The following GALNT8 variants were observed in gnomAD, a reference collection of about 807,000 sequenced individuals.
GALNT8 encodes the protein probable polypeptide N-acetylgalactosaminyltransferase 8.
A neutral mutation model predicts 62.7 loss-of-function variants in GALNT8; 66 were observed. That is an observed-to-expected ratio of 1.05 (90% CI 0.86 to 1.29). The LOEUF is 1.29. Among genes scored for constraint, GALNT8 ranks in the 50% most tolerant of loss-of-function variants. The probability of loss-of-function intolerance (pLI) is 0.00; values close to 1 mark genes in which losing one functional copy is unlikely to be tolerated. For missense variants in GALNT8, 771 were observed against 791.8 expected, an observed-to-expected ratio of 0.97 and a Z score of 0.32; for synonymous variants, 288 against 294.3, an observed-to-expected ratio of 0.98 and a Z score of 0.22.
At chr12:4,757,978 G>T (rs574134886) in intron 6 of GALNT8, among the ~76,000 whole-genome samples, 81 of 152,232 alleles carry the variant, frequency 5.3e-4, no homozygotes, top group African/African-American at 1.7e-3. Context: ...AGTTCCTGAT[G>T]CTTTGTTCTC....
At chr12:4,746,112 G>A in intron 5 of GALNT8, 32 bp from the exon 6 acceptor site, 1 of 1,261,820 alleles carries the variant, frequency 7.9e-7, no homozygotes, top group Non-Finnish European at 1.2e-6. Context: ...TCCTTATGGA[G>A]AGATTAGTGA....
In GALNT8 at chr12:4,726,734, G is replaced by A. The variant is rs1946197607; in HGVS notation, c.414G>A (p.Lys138=). Residue 138 remains lysine (K), a synonymous_variant, in exon 2 of 11, where the codon AAG becomes AAA. Transcript: ENST00000252318. This position sits in a 1 kb window ranked among gnomAD's most constrained non-coding sequence, Gnocchi z 4.1. ...AGGATCTTTCTGAGGCCCAGCAGAA[G>A]GCGGCCCAGGACCTCTTCCGGAAGT... ...WGEDLSEAQQ[K]AAQDLFRKFG... The A allele has an allele frequency of 1.2e-6, 2 of 1,614,090 alleles. No individual in the cohort carries two copies. The highest frequency in any genetic ancestry group is 8.5e-7 in the Non-Finnish European group (1 of 1,180,004).
At position 4,740,510 on chromosome 12, in the gene GALNT8, A is replaced by ACC. The variant is rs534802485; in HGVS notation, c.676+1182_676+1183dup. ...GGGATCTCAGCGCACTGCAGCCTCC[A>ACC]CCTCCCGGGTTCAAGCAATTCTTCT... On this transcript the variant is annotated intron_variant, in intron 3 of 10. Transcript: ENST00000252318. Among the ~76,000 whole-genome samples the ACC allele has an allele frequency of 3.4e-5, 5 of 147,990 alleles. No individual in the cohort carries two copies. In the South Asian group the frequency reaches 1.1e-3, roughly 32 times the overall value.
intron 10 of GALNT8, among the ~76,000 whole-genome samples, chr12:4,771,792 G>A (rs1946425611): frequency 6.6e-6 from 1 of 152,164 alleles, no homozygotes; most frequent in Non-Finnish European, 1.5e-5. Context: ...ACAGATGGCA[G>A]GAGTGTCAGT....
intron 2 of GALNT8, among the ~76,000 whole-genome samples, chr12:4,730,227 A>T (rs1591564676): frequency 6.6e-6 from 1 of 151,772 alleles, no homozygotes; most frequent in Non-Finnish European, 1.5e-5. Flanking sequence ...ATGTAATGCT[A>T]TTTGTCTATT....
chr12:4,724,041 C>T (rs563945189), intron 1 of GALNT8, among the ~76,000 whole-genome samples: 1 of 147,210 alleles, frequency 6.8e-6, no homozygotes, highest in South Asian at 2.2e-4. Context: ...CCCAGCTACT[C>T]GGGAAGCTGA....
In GALNT8 at chr12:4,726,749, C is replaced by T. The variant is rs1946197786; in HGVS notation, c.429C>T (p.Leu143=). The T allele has an allele frequency of 6.2e-6, 10 of 1,614,076 alleles. No individual in the cohort carries two copies. The East Asian group carries it at 2.2e-4, about 36-fold the overall frequency. Residue 143 remains leucine (L), a synonymous_variant, in exon 2 of 11, where the codon CTC becomes CTT. Transcript: ENST00000252318. This position sits in a 1 kb window ranked among gnomAD's most constrained non-coding sequence, Gnocchi z 4.1. ...CCCAGCAGAAGGCGGCCCAGGACCT[C>T]TTCCGGAAGTTTGGTTACAACGCGT... ...SEAQQKAAQD[L]FRKFGYNAYL...
chr12:4,725,586 C>T (rs1263583207), intron 1 of GALNT8, among the ~76,000 whole-genome samples: 14 of 126,966 alleles, frequency 1.1e-4, no homozygotes, highest in Admixed American at 2.9e-4. Context: ...GACGGAGTCT[C>T]GCTCTGTTGC....
Position 4,726,702 on chromosome 12 carries a change from T to C in GALNT8, c.382T>C (p.Trp128Arg), listed in dbSNP as rs1254028259. Residue 128 changes from tryptophan to arginine, a missense_variant, in exon 2 of 11, where the codon TGG (tryptophan) becomes CGG (arginine). Trp to Arg is a moderately radical substitution (Grantham distance 101, BLOSUM62 -3). Coordinates refer to ENST00000252318, the MANE Select transcript of GALNT8 (RefSeq NM_017417.2). The surrounding 1 kb of genome is among the most constrained non-coding windows in gnomAD (Gnocchi z 4.1). ...LFPHSQLFRQWGEDLSEAQQK... is the reference protein window; with the variant it reads ...LFPHSQLFRQRGEDLSEAQQK... ...CCCACACTCACAGCTTTTCAGGCAATGGGGCGAGGATCTTTCTGAGGCCCA... is the reference window on the plus strand; with the variant it reads ...CCCACACTCACAGCTTTTCAGGCAACGGGGCGAGGATCTTTCTGAGGCCCA... The C allele has an allele frequency of 6.2e-7, 1 of 1,613,968 alleles. No homozygotes were observed. Among genetic ancestry groups the C allele is most frequent in the East Asian group, 2.2e-5 (1 of 44,852 alleles).
intron 2 of GALNT8, among the ~76,000 whole-genome samples, chr12:4,738,595 A>T (rs527629569): frequency 6.6e-6 from 1 of 152,350 alleles, no homozygotes; most frequent in Admixed American, 6.5e-5. Flanking sequence ...AACATATAGA[A>T]AAAACTTTTG....
intron 1 of GALNT8, among the ~76,000 whole-genome samples, chr12:4,723,234 ACAGG>A (rs1946179098): frequency 6.6e-6 from 1 of 152,238 alleles, no homozygotes; most frequent in Admixed American, 6.5e-5. Context: ...AGAGAAAAAG[ACAGG>A]CAGACAGGGA....
At chr12:4,753,078 T>C (rs1334576211) in intron 6 of GALNT8, among the ~76,000 whole-genome samples, 1 of 152,240 alleles carries the variant, frequency 6.6e-6, no homozygotes, top group Non-Finnish European at 1.5e-5. Context: ...GTCCTCTTGC[T>C]GCTTTTAGCA....
chr12:4,762,210 T>C (rs1423943599), intron 7 of GALNT8, among the ~76,000 whole-genome samples: 1 of 152,130 alleles, frequency 6.6e-6, no homozygotes, highest in East Asian at 1.9e-4. Flanking sequence ...CTCCAGGACA[T>C]CCCTAGCTTT....
chr12:4,753,640 AG>A (rs1946331618), intron 6 of GALNT8, among the ~76,000 whole-genome samples: 1 of 152,216 alleles, frequency 6.6e-6, no homozygotes, highest in African/African-American at 2.4e-5. Context: ...TCCATCTGAA[AG>A]GTCCCTTGTC....
chr12:4,738,964 C>T lies in GALNT8; in HGVS notation c.510-199C>T, dbSNP rs569792721. The stretch of plus-strand genomic sequence containing the variant: ...AAAGATTAATAAAAAAAGATTTTAT[C>T]CCCATAACAGGAGAATTTTGGATAA... On this transcript the variant is annotated intron_variant, in intron 2 of 10. Coordinates refer to ENST00000252318, the MANE Select transcript of GALNT8 (RefSeq NM_017417.2). Among the ~76,000 whole-genome samples, 4 of 152,234 alleles carry T rather than the reference C, an allele frequency of 2.6e-5. No individual in the cohort carries two copies. In the South Asian group the frequency reaches 8.3e-4, roughly 32 times the overall value.
chr12:4,742,021 C>A (rs1946274582), intron 3 of GALNT8, among the ~76,000 whole-genome samples: 1 of 152,218 alleles, frequency 6.6e-6, no homozygotes, highest in African/African-American at 2.4e-5. Context: ...AACTCACTAT[C>A]CATGTGAATT....
intron 2 of GALNT8, among the ~76,000 whole-genome samples, chr12:4,735,204 A>C (rs980841852): frequency 2.0e-5 from 3 of 152,216 alleles, no homozygotes; most frequent in Admixed American, 6.5e-5. Context: ...CAAAACAACT[A>C]TTTGACTGGA....
chr12:4,762,159 G>A (rs552515662), intron 7 of GALNT8, among the ~76,000 whole-genome samples: 25 of 152,280 alleles, frequency 1.6e-4, no homozygotes, highest in African/African-American at 5.8e-4. Flanking sequence ...AGTTGATTCT[G>A]ATGTCCCAGT....
intron 2 of GALNT8, among the ~76,000 whole-genome samples, chr12:4,735,438 C>A (rs1344550592): frequency 1.3e-5 from 2 of 152,032 alleles, no homozygotes; most frequent in Admixed American, 1.3e-4. Flanking sequence ...GGCTCCCTGT[C>A]CCTGCAGGTC....
Sources: allele counts gnomAD v4.1 joint callset (sites outside exome capture counted in the v4.1 genomes callset), GRCh38; gene constraint gnomAD v4.1.1; non-coding constraint Gnocchi (gnomAD v3.1); transcripts MANE v1.5; gene names NCBI Gene and HGNC (gene_info 2026-07-23, HGNC 2026-07-21).